PPARGC1A: variants seen among roughly 807,000 people sequenced by gnomAD.
PPARGC1A encodes peroxisome proliferator-activated receptor gamma coactivator 1-alpha.
PPARGC1A carries 25 observed loss-of-function variants against 88.7 expected under a neutral mutation model. That is an observed-to-expected ratio of 0.28 (90% CI 0.21 to 0.39). The LOEUF is 0.39. PPARGC1A is among the 10% of genes least tolerant of loss of function. The probability of loss-of-function intolerance (pLI) is 1.00; values close to 1 mark genes in which losing one functional copy is unlikely to be tolerated. For missense variants in PPARGC1A, 880 were observed against 968.7 expected (o/e 0.91, Z 1.22); for synonymous variants, 363 against 355.6 (o/e 1.02, Z -0.24).
intron 7 of PPARGC1A, among the ~76,000 whole-genome samples, chr4:23,823,303 T>C (rs893397900): frequency 2.0e-5 from 3 of 151,944 alleles, no homozygotes; most frequent in Non-Finnish European, 2.9e-5. Flanking sequence ...ATCTATAATA[T>C]GTATTATATA....
At chr4:24,374,536 G>A in the PPARGC1A span, among the ~76,000 whole-genome samples, 9 of 150,668 alleles carry the variant, frequency 6.0e-5, no homozygotes, top group East Asian at 7.8e-4. Context: ...AAACCTGCAC[G>A]TGTACCCCTG....
At chr4:24,128,895 G>T in the PPARGC1A span, among the ~76,000 whole-genome samples, 1 of 152,072 alleles carries the variant, frequency 6.6e-6, no homozygotes, top group South Asian at 2.1e-4. Flanking sequence ...AACAATCAAC[G>T]AAGCCTCACC....
At chr4:24,022,770 G>A in the PPARGC1A span, among the ~76,000 whole-genome samples, 4 of 152,324 alleles carry the variant, frequency 2.6e-5, no homozygotes, top group South Asian at 2.1e-4. Flanking sequence ...TGTGGCTCAG[G>A]CCACGTGTCC....
the PPARGC1A span, among the ~76,000 whole-genome samples, chr4:23,966,811 C>T: frequency 6.6e-6 from 1 of 152,164 alleles, no homozygotes; most frequent in Non-Finnish European, 1.5e-5. Context: ...ACCATTACAG[C>T]AACCTGTGTA....
At chr4:24,103,768 A>T in the PPARGC1A span, among the ~76,000 whole-genome samples, 1 of 152,318 alleles carries the variant, frequency 6.6e-6, no homozygotes, top group Admixed American at 6.5e-5. Flanking sequence ...GACCCCGAGG[A>T]AAACAAGAGG....
the PPARGC1A span, among the ~76,000 whole-genome samples, chr4:24,028,109 A>G: frequency 1.5e-5 from 2 of 134,510 alleles, no homozygotes; most frequent in African/African-American, 5.1e-5. Flanking sequence ...TTGGACCCCA[A>G]GGCTCCTCAA....
At chr4:24,403,065 A>G in the PPARGC1A span, among the ~76,000 whole-genome samples, 26 of 152,248 alleles carry the variant, frequency 1.7e-4, no homozygotes, top group South Asian at 2.1e-4. Flanking sequence ...AATTAAGTTC[A>G]GAGCAGCCAA....
chr4:23,800,119 G>A (rs956375003), intron 12 of PPARGC1A, among the ~76,000 whole-genome samples: 1 of 151,938 alleles, frequency 6.6e-6, no homozygotes, highest in Admixed American at 6.6e-5. Context: ...ACATCCCTTC[G>A]TTGGACAGAA....
chr4:24,013,437 CCTT>C, the PPARGC1A span, among the ~76,000 whole-genome samples: 1 of 152,122 alleles, frequency 6.6e-6, no homozygotes, highest in Non-Finnish European at 1.5e-5. Flanking sequence ...CGTCCTCTCT[CCTT>C]CTTCTCTTTG....
the PPARGC1A span, among the ~76,000 whole-genome samples, chr4:24,266,314 G>A: frequency 8.5e-5 from 13 of 152,210 alleles, no homozygotes; most frequent in Middle Eastern, 3.4e-3. Flanking sequence ...GAGTTGCTTC[G>A]TGTTGTAGGA....
the PPARGC1A span, among the ~76,000 whole-genome samples, chr4:24,344,582 CT>C: frequency 6.7e-6 from 1 of 148,272 alleles, no homozygotes; most frequent in Non-Finnish European, 1.5e-5. Context: ...CCTTAGACCA[CT>C]TTTTGATGGG....
At chr4:24,174,327 C>T in the PPARGC1A span, among the ~76,000 whole-genome samples, 13 of 152,306 alleles carry the variant, frequency 8.5e-5, no homozygotes, top group South Asian at 6.2e-4. Flanking sequence ...GCTTATTAAA[C>T]GCCCAGAGAT....
chr4:23,829,655 T>C (rs901646318), intron 3 of PPARGC1A, 70 bp from the exon 4 acceptor site: 39 of 1,417,672 alleles, frequency 2.8e-5, no homozygotes, highest in Middle Eastern at 1.9e-4. Flanking sequence ...GAATAAGTTA[T>C]TGAAATTTTA....
At chr4:24,113,691 A>G in the PPARGC1A span, among the ~76,000 whole-genome samples, 1 of 152,144 alleles carries the variant, frequency 6.6e-6, no homozygotes, top group Non-Finnish European at 1.5e-5. Context: ...AAAAATAAAT[A>G]AATAAAGCCT....
chr4:24,104,586 G>C, the PPARGC1A span, among the ~76,000 whole-genome samples: 1 of 152,142 alleles, frequency 6.6e-6, no homozygotes, highest in Non-Finnish European at 1.5e-5. Context: ...GCTTCCAGAG[G>C]ACTGTGGGCA....
At chr4:24,023,060 A>T in the PPARGC1A span, among the ~76,000 whole-genome samples, 1 of 152,162 alleles carries the variant, frequency 6.6e-6, no homozygotes, top group Non-Finnish European at 1.5e-5. Context: ...TAATTTCTCA[A>T]TTCTACTATA....
chr4:23,898,796 A>G (rs964508368), intron 1 of PPARGC1A, among the ~76,000 whole-genome samples: 3 of 151,676 alleles, frequency 2.0e-5, no homozygotes, highest in African/African-American at 7.3e-5. Context: ...ACCTCTTTTC[A>G]AAACAAAAAA....
At chr4:24,310,437 C>G in the PPARGC1A span, among the ~76,000 whole-genome samples, 3 of 152,092 alleles carry the variant, frequency 2.0e-5, no homozygotes, top group African/African-American at 7.2e-5. Flanking sequence ...CTGTTACCTG[C>G]AGGATGGTAA....
At chr4:24,327,820 G>T in the PPARGC1A span, among the ~76,000 whole-genome samples, 1 of 152,062 alleles carries the variant, frequency 6.6e-6, no homozygotes, top group Non-Finnish European at 1.5e-5. Flanking sequence ...AAGAAGGCAG[G>T]AATGTCAGGC....
Sources: allele counts gnomAD v4.1 joint callset (sites outside exome capture counted in the v4.1 genomes callset), GRCh38; gene constraint gnomAD v4.1.1; transcripts MANE v1.5; gene names NCBI Gene and HGNC (gene_info 2026-07-23, HGNC 2026-07-21).